The following BNC2 variants were observed in gnomAD, a reference collection of about 807,000 sequenced individuals.
BNC2 encodes basonuclin zinc finger protein 2.
BNC2 carries 20 observed loss-of-function variants against 76.3 expected under a neutral mutation model. That is an observed-to-expected ratio of 0.26 (90% confidence interval 0.18 to 0.38). The LOEUF is 0.38. Among genes scored for constraint, BNC2 ranks in the 10% least tolerant of loss-of-function variants. The pLI is 1.00. For missense variants in BNC2, 1,382 were observed against 1,399.8 expected, an observed-to-expected ratio of 0.99 and a Z score of 0.20; for synonymous variants, 582 against 514.8, an observed-to-expected ratio of 1.13 and a Z score of -1.77.
intron 3 of BNC2, among the ~76,000 whole-genome samples, chr9:16,715,246 T>C: frequency 6.6e-6 from 1 of 152,238 alleles, no homozygotes; most frequent in South Asian, 2.1e-4. Context: ...ATTTAAATTA[T>C]TTGACTATTT....
chr9:16,843,162 G>C (rs2136104016), intron 1 of BNC2, among the ~76,000 whole-genome samples: 1 of 152,248 alleles, frequency 6.6e-6, no homozygotes, highest in East Asian at 1.9e-4. Context: ...AGAGATAGAT[G>C]AATTTGCCCA....
intron 3 of BNC2, among the ~76,000 whole-genome samples, chr9:16,622,114 A>T (rs1321708929): frequency 6.6e-6 from 1 of 152,092 alleles, no homozygotes; most frequent in Non-Finnish European, 1.5e-5. Flanking sequence ...TTTCCAAATG[A>T]GAGGGATGAA....
chr9:16,751,904 C>T (rs542422358), intron 1 of BNC2, among the ~76,000 whole-genome samples: 68 of 151,898 alleles, frequency 4.5e-4, no homozygotes, highest in African/African-American at 1.6e-3. Context: ...TGGCGGGCGC[C>T]TGTAATCTCA....
chr9:16,469,749 A>G (rs1291982995), intron 5 of BNC2, among the ~76,000 whole-genome samples: 1 of 152,200 alleles, frequency 6.6e-6, no homozygotes, highest in African/African-American at 2.4e-5. Context: ...CTTTGCCCAA[A>G]ATGCTGATAG....
intron 5 of BNC2, among the ~76,000 whole-genome samples, chr9:16,447,496 T>A (rs1305562340): frequency 6.6e-6 from 1 of 152,144 alleles, no homozygotes; most frequent in Admixed American, 6.5e-5. Flanking sequence ...CAACGTATTT[T>A]TAGAATATGT....
chr9:16,595,438 G>C (rs1038967673), intron 3 of BNC2, among the ~76,000 whole-genome samples: 1 of 152,076 alleles, frequency 6.6e-6, no homozygotes, highest in African/African-American at 2.4e-5. Flanking sequence ...GCTGAGACCT[G>C]GACTGGCTTC....
At chr9:16,587,604 G>A (rs1401911674) in intron 3 of BNC2, among the ~76,000 whole-genome samples, 2 of 151,952 alleles carry the variant, frequency 1.3e-5, no homozygotes, top group Non-Finnish European at 2.9e-5. Flanking sequence ...CTTCTTAAGA[G>A]ATCCACACGG....
chr9:16,518,595 TTG>T lies in BNC2; in HGVS notation c.669+33933_669+33934del, dbSNP rs202118856. On this transcript the variant is annotated intron_variant, in intron 5 of 6. Transcript: ENST00000380672. ...ATATATATATTTTTTGTTGTTGTTG[TTG>T]TTGTTTGTTTGTTTTTTGTTTTTTG... Among the ~76,000 whole-genome samples the T allele has an allele frequency of 0.011, 1,329 of 123,162 alleles. 62 individuals carry two copies. The South Asian group carries it at 0.16, about 15-fold the overall frequency. 80.8% of individuals were successfully genotyped at this position (123,162 alleles called of 152,430 possible).
intron 5 of BNC2, among the ~76,000 whole-genome samples, chr9:16,515,350 C>A (rs1422807719): frequency 1.3e-5 from 2 of 152,172 alleles, no homozygotes; most frequent in African/African-American, 4.8e-5. Context: ...CAGTCATCCC[C>A]TTGGCTAATG....
At chr9:16,835,954 C>T (rs1818696424) in intron 1 of BNC2, among the ~76,000 whole-genome samples, 1 of 152,156 alleles carries the variant, frequency 6.6e-6, no homozygotes, top group Non-Finnish European at 1.5e-5. Flanking sequence ...ACACAGCACC[C>T]ATCCCACCTA....
At chr9:16,523,997 G>T (rs997655545) in intron 5 of BNC2, among the ~76,000 whole-genome samples, 16 of 152,110 alleles carry the variant, frequency 1.1e-4, no homozygotes, top group African/African-American at 3.4e-4. Context: ...AACTCTAACA[G>T]ATTTTAGCTT....
chr9:16,863,554 G>A (rs965126487), intron 1 of BNC2, among the ~76,000 whole-genome samples: 1 of 152,106 alleles, frequency 6.6e-6, no homozygotes, highest in African/African-American at 2.4e-5. Context: ...AATTAGCCAA[G>A]CGCAGTGGCG....
intron 5 of BNC2, among the ~76,000 whole-genome samples, chr9:16,524,446 T>C (rs1817728295): frequency 1.3e-5 from 2 of 152,030 alleles, no homozygotes; most frequent in African/African-American, 4.8e-5. Context: ...TAAGGAAATT[T>C]AGAAGGAAAG....
intron 5 of BNC2, among the ~76,000 whole-genome samples, chr9:16,534,229 C>T (rs1461162081): frequency 1.3e-5 from 2 of 152,130 alleles, no homozygotes; most frequent in African/African-American, 4.8e-5. Flanking sequence ...TTTTCTTCCT[C>T]GATCTAACAT....
At chr9:16,865,237 G>A (rs1819516868) in intron 1 of BNC2, among the ~76,000 whole-genome samples, 1 of 152,038 alleles carries the variant, frequency 6.6e-6, no homozygotes, top group African/African-American at 2.4e-5. Flanking sequence ...ACTGTATCTA[G>A]AAGGCTGGCT....
At chr9:16,673,927 T>A (rs1215851507) in intron 3 of BNC2, among the ~76,000 whole-genome samples, 3 of 152,224 alleles carry the variant, frequency 2.0e-5, no homozygotes. Flanking sequence ...AATTGAAGCA[T>A]GCAGAAAGAA....
chr9:16,864,134 A>G (rs964690672), intron 1 of BNC2, among the ~76,000 whole-genome samples: 1 of 152,208 alleles, frequency 6.6e-6, no homozygotes, highest in Non-Finnish European at 1.5e-5. Flanking sequence ...CTCTGCATCT[A>G]GCCAATTAAG....
intron 5 of BNC2, among the ~76,000 whole-genome samples, chr9:16,547,570 T>G (rs1452586817): frequency 1.3e-5 from 2 of 152,040 alleles, no homozygotes; most frequent in African/African-American, 4.8e-5. Context: ...GTGATAGGAG[T>G]TTGAAGGAAA....
At chr9:16,780,537 A>G (rs899469087) in intron 1 of BNC2, among the ~76,000 whole-genome samples, 3 of 151,610 alleles carry the variant, frequency 2.0e-5, no homozygotes, top group African/African-American at 7.3e-5. Flanking sequence ...ACACCACTAC[A>G]CTCCAGCCTG....
Sources: gnomAD v4.1 joint callset for allele counts (sites outside exome capture counted in the v4.1 genomes callset) on GRCh38, gnomAD v4.1.1 for gene constraint, MANE v1.5 for transcripts, NCBI Gene and HGNC (gene_info 2026-07-23, HGNC 2026-07-21) for gene names.